ATXN7: variants seen among roughly 807,000 people sequenced by gnomAD.
ATXN7 encodes the protein ataxin-7.
A neutral mutation model predicts 70.5 loss-of-function variants in ATXN7; 12 were observed. That is an observed-to-expected ratio of 0.17 (90% CI 0.11 to 0.28). The LOEUF (loss-of-function observed/expected upper bound fraction) is 0.28, where lower values mean the gene tolerates loss of function less well. Among genes scored for constraint, ATXN7 ranks in the 10% least tolerant of loss-of-function variants. ATXN7 has a pLI of 1.00. For missense variants in ATXN7, 1,256 were observed against 1,131.7 expected, an observed-to-expected ratio of 1.11 and a Z score of -1.58; for synonymous variants, 498 against 448.7, an observed-to-expected ratio of 1.11 and a Z score of -1.39.
intron 8 of ATXN7, among the ~76,000 whole-genome samples, chr3:63,983,761 T>C (rs547493015): frequency 3.9e-5 from 6 of 152,298 alleles, no homozygotes; most frequent in African/African-American, 1.4e-4. Flanking sequence ...TGTGGGTTAT[T>C]GATGTGGGGT....
rs556994956 is a variant in ATXN7, at chr3:63,993,275, A to ATTTTTT, written c.1683-2213_1683-2208dup. Among the ~76,000 whole-genome samples, 228 of 115,958 alleles carry ATTTTTT rather than the reference A, an allele frequency of 2.0e-3. 2 individuals are homozygous for ATTTTTT. Among genetic ancestry groups the ATTTTTT allele is most frequent in the African/African-American group, 6.9e-3 (213 of 30,758 alleles). 76.1% of individuals were successfully genotyped at this position (115,958 alleles called of 152,430 possible). ...GGTTTTCAAAGATTTTTGTTGGTGT[A>ATTTTTT]TTTTTTTTTTTTTTTTTTTTTTACT... On this transcript the variant is annotated intron_variant, in intron 11 of 12. Coordinates refer to ENST00000674280, the MANE Select transcript of ATXN7 (RefSeq NM_001377405.1).
At chr3:63,863,700 G>C (rs1702300677), upstream of ATXN7, 1 of 1,242,382 alleles carries the variant, frequency 8.0e-7, no homozygotes, top group Admixed American at 4.2e-5. Context: ...AAGCGGGCCG[G>C]GAGGCCAGGG....
chr3:63,934,400 A>C (rs1164562952), intron 4 of ATXN7, among the ~76,000 whole-genome samples: 1 of 151,782 alleles, frequency 6.6e-6, no homozygotes, highest in Non-Finnish European at 1.5e-5. Context: ...TATGGGAACC[A>C]CTCTGAGCCA....
At chr3:63,883,228 A>C (rs57043559) in intron 1 of ATXN7, among the ~76,000 whole-genome samples, 6,477 of 152,298 alleles carry the variant, frequency 0.043, 440 homozygotes, top group African/African-American at 0.14. Flanking sequence ...GTAAATGTTT[A>C]TTGAATATAA....
At chr3:63,873,963 A>G (rs1359653540) in intron 1 of ATXN7, 3 of 152,098 alleles carry the variant, frequency 2.0e-5, no homozygotes, top group Non-Finnish European at 4.4e-5. Context: ...GGCCTCCCAA[A>G]ATGCTAGGAT....
chr3:63,931,014 A>G (rs1704932330), intron 4 of ATXN7, among the ~76,000 whole-genome samples: 1 of 152,212 alleles, frequency 6.6e-6, no homozygotes, highest in African/African-American at 2.4e-5. Flanking sequence ...ATGCTGTTTC[A>G]AAGAACTGCT....
intron 4 of ATXN7, among the ~76,000 whole-genome samples, chr3:63,950,806 C>T (rs1220048714): frequency 3.3e-5 from 5 of 152,022 alleles, no homozygotes; most frequent in Admixed American, 6.6e-5. Flanking sequence ...ATTAAATAAG[C>T]GTAGTCACAG....
Position 63,913,706 on chromosome 3 carries a change from G to A in ATXN7, c.394+481G>A, listed in dbSNP as rs572861384. Among the ~76,000 whole-genome samples the A allele has an allele frequency of 3.4e-4, 52 of 152,284 alleles. No individual in the cohort carries two copies. The South Asian group carries it at 9.7e-3, about 29-fold the overall frequency. ...TGTTAGAAAAAGGTCATCATAACCC[G>A]GAGTGCATTTTGGTCAGATTTTTTG... On this transcript the variant is annotated intron_variant, in intron 4 of 12. Transcript: ENST00000674280.
chr3:63,965,864 T>C (rs1422661163), intron 5 of ATXN7, among the ~76,000 whole-genome samples: 1 of 152,230 alleles, frequency 6.6e-6, no homozygotes. Context: ...TCTGTGTATG[T>C]GTACAAAATT....
At chr3:63,941,410 A>G (rs2074766226) in intron 4 of ATXN7, among the ~76,000 whole-genome samples, 1 of 152,150 alleles carries the variant, frequency 6.6e-6, no homozygotes, top group Non-Finnish European at 1.5e-5. Flanking sequence ...TGTGAACCCT[A>G]TTGTGAACTG....
At position 63,980,186 on chromosome 3, in the gene ATXN7, G is replaced by A. The variant is rs1559655009; in HGVS notation, c.752+19G>A. ...GTAGAATGTGAGTATGGCCAAGAGG[G>A]TTTTTAAAGCTTACCTGCTGGAAAT... On this transcript the variant is annotated intron_variant, in intron 6 of 12. Transcript: ENST00000674280. The A allele has an allele frequency of 1.2e-6, 2 of 1,613,590 alleles. No individual in the cohort carries two copies. The highest frequency in any genetic ancestry group is 1.7e-6 in the Non-Finnish European group (2 of 1,179,602).
intron 4 of ATXN7, among the ~76,000 whole-genome samples, chr3:63,934,264 A>G (rs2074616533): frequency 1.3e-5 from 2 of 152,132 alleles, no homozygotes; most frequent in African/African-American, 4.8e-5. Flanking sequence ...GGAGGCTATG[A>G]TAGAGTCTGG....
intron 4 of ATXN7, among the ~76,000 whole-genome samples, chr3:63,940,231 G>A (rs1034071604): frequency 6.6e-6 from 1 of 151,640 alleles, no homozygotes; most frequent in Non-Finnish European, 1.5e-5. Flanking sequence ...AGCAGGAAGT[G>A]AAGGCTAAAG....
rs1286088320 is a variant in ATXN7, at chr3:63,864,158, G to A, written c.-111G>A. 6.7e-6 allele frequency among the ~76,000 whole-genome samples: 1 copy of A among 149,750 alleles called. No individual in the cohort carries two copies. Among genetic ancestry groups the A allele is most frequent in the Non-Finnish European group, 1.5e-5 (1 of 67,272 alleles). On this transcript the variant is annotated splice_region_variant and 5_prime_UTR_variant, in exon 1 of 13. Transcript: ENST00000674280. ...CCCCGGAGGCCGCAGCCAGCCGCCA[G>A]GTGAGCTCGCCCGGACGCCGCCAGG...
chr3:63,874,793 C>T (rs188251101), intron 1 of ATXN7, among the ~76,000 whole-genome samples: 5 of 152,228 alleles, frequency 3.3e-5, no homozygotes, highest in South Asian at 2.1e-4. Flanking sequence ...ATTGTAGTGA[C>T]GTTGGTGTGT....
chr3:63,939,283 ACAAAGT>A (rs1432412964), intron 4 of ATXN7, among the ~76,000 whole-genome samples: 1 of 152,120 alleles, frequency 6.6e-6, no homozygotes, highest in Non-Finnish European at 1.5e-5. Context: ...CCAGGCTATT[ACAAAGT>A]CATGTCAACA....
intron 9 of ATXN7, among the ~76,000 whole-genome samples, chr3:63,989,943 C>T (rs574532432): frequency 3.3e-5 from 5 of 152,274 alleles, no homozygotes; most frequent in South Asian, 2.1e-4. Flanking sequence ...AGAAAGGATT[C>T]GTTCTAAGTT....
chr3:63,918,789 C>T (rs1197962563), intron 4 of ATXN7, among the ~76,000 whole-genome samples: 1 of 152,010 alleles, frequency 6.6e-6, no homozygotes, highest in Non-Finnish European at 1.5e-5. Context: ...AACCAAGCCT[C>T]AGACAGGAAT....
intron 2 of ATXN7, among the ~76,000 whole-genome samples, chr3:63,909,809 C>G (rs1043108598): frequency 6.6e-6 from 1 of 152,098 alleles, no homozygotes; most frequent in Non-Finnish European, 1.5e-5. Flanking sequence ...AGGAAATGCC[C>G]GTCAATCTCT....
Sources: allele counts gnomAD v4.1 joint callset (sites outside exome capture counted in the v4.1 genomes callset), GRCh38; gene constraint gnomAD v4.1.1; transcripts MANE v1.5; gene names NCBI Gene and HGNC (gene_info 2026-07-23, HGNC 2026-07-21).